Variants in RBFOX1 observed in about 807,000 individuals in gnomAD.
RBFOX1 encodes the protein RNA binding fox-1 homolog 1.
RBFOX1 carries 8 observed loss-of-function variants against 57.7 expected under a neutral mutation model. The ratio of observed to expected loss-of-function variants is 0.14; its 90% CI spans 0.08 to 0.25. The LOEUF is 0.25. Among genes scored for constraint, RBFOX1 ranks in the 10% least tolerant of loss-of-function variants. RBFOX1 has a pLI of 1.00. For missense variants in RBFOX1, 611 were observed against 548.5 expected, an observed-to-expected ratio of 1.11 and a Z score of -1.14; for synonymous variants, 326 against 222.4, an observed-to-expected ratio of 1.47 and a Z score of -4.15.
chr16:7,138,172 C>G (rs995074901), intron 4 of RBFOX1, among the ~76,000 whole-genome samples: 2 of 152,044 alleles, frequency 1.3e-5, no homozygotes, highest in African/African-American at 2.4e-5. Context: ...AAATCCAAAG[C>G]TTTGGGTGTG....
At chr16:6,684,987 T>G (rs1312255987) in intron 3 of RBFOX1, among the ~76,000 whole-genome samples, 2 of 152,112 alleles carry the variant, frequency 1.3e-5, no homozygotes. Flanking sequence ...TAGTAACATT[T>G]TACAAAATGG....
At chr16:6,846,526 G>GAC (rs2093763459) in intron 3 of RBFOX1, among the ~76,000 whole-genome samples, 1 of 152,168 alleles carries the variant, frequency 6.6e-6, no homozygotes, top group Admixed American at 6.5e-5. Flanking sequence ...TAACATACCA[G>GAC]ACAGGGGAGG....
intron 4 of RBFOX1, among the ~76,000 whole-genome samples, chr16:7,429,611 G>A (rs1682667916): frequency 1.3e-5 from 2 of 152,212 alleles, no homozygotes; most frequent in Admixed American, 1.3e-4. Flanking sequence ...GCAGAAAATA[G>A]TCGTCAGGTG....
At chr16:5,988,965 C>T (rs1259312256) in intron 4 of RBFOX1, among the ~76,000 whole-genome samples, 3 of 152,008 alleles carry the variant, frequency 2.0e-5, no homozygotes, top group African/African-American at 7.2e-5. Flanking sequence ...GCTGTGTGAC[C>T]TTGGGTGAGT....
chr16:5,588,808 C>T (rs939661351), intron 2 of RBFOX1, among the ~76,000 whole-genome samples: 1 of 152,132 alleles, frequency 6.6e-6, no homozygotes, highest in Non-Finnish European at 1.5e-5. Context: ...CAAAAGTGAT[C>T]TGAGTTCAGG....
chr16:5,759,749 A>G (rs777128513), intron 3 of RBFOX1, among the ~76,000 whole-genome samples: 3 of 151,670 alleles, frequency 2.0e-5, no homozygotes, highest in Non-Finnish European at 4.4e-5. Context: ...GCTGGCTGGC[A>G]TTTTTCTGAT....
At chr16:7,120,838 C>CACACATACACACAT (rs1555491044) in intron 4 of RBFOX1, among the ~76,000 whole-genome samples, 17 of 141,612 alleles carry the variant, frequency 1.2e-4, no homozygotes, top group Admixed American at 5.0e-4. Flanking sequence ...TATACACACA[C>CACACATACACACAT]ACACACACAC....
chr16:6,297,502 T>C (rs143259718), intron 1 of RBFOX1, among the ~76,000 whole-genome samples: 37 of 152,304 alleles, frequency 2.4e-4, no homozygotes, highest in African/African-American at 7.2e-4. Flanking sequence ...TGAATGCCTC[T>C]GAACCGAGTT....
intron 15 of RBFOX1, chr16:7,709,591 C>A (rs776880018): frequency 9.1e-6 from 14 of 1,531,194 alleles, no homozygotes; most frequent in Non-Finnish European, 1.2e-5. Flanking sequence ...TGCCTCTCCT[C>A]CCCTATTACA....
In RBFOX1 at chr16:7,400,058, T is replaced by C. The variant is rs115920784; in HGVS notation, c.28-118089T>C. Reference sequence around the variant, plus strand: ...CTTCTCTGATTTATTGATGAGAAAATTGACCCTCAGGAGGGGAAGACCATT... The same window carrying C: ...CTTCTCTGATTTATTGATGAGAAAACTGACCCTCAGGAGGGGAAGACCATT... On this transcript the variant is annotated intron_variant, in intron 4 of 15. Transcript: ENST00000550418. Among the ~76,000 whole-genome samples, 1,124 of 152,236 alleles carry C rather than the reference T, an allele frequency of 7.4e-3. 18 individuals carry two copies. The highest frequency in any genetic ancestry group is 0.026 in the African/African-American group (1,072 of 41,536).
At chr16:6,101,095 G>C (rs1366678144) in intron 1 of RBFOX1, among the ~76,000 whole-genome samples, 1 of 152,166 alleles carries the variant, frequency 6.6e-6, no homozygotes, top group African/African-American at 2.4e-5. Flanking sequence ...AAAACCATCT[G>C]TGTCCATTTT....
chr16:6,654,734 C>G (rs987547686), intron 3 of RBFOX1, 84 bp downstream of exon 3: 197 of 1,018,106 alleles, frequency 1.9e-4, no homozygotes, highest in South Asian at 7.1e-4. Context: ...GCATGCCCCT[C>G]TCGATGATGG....
At chr16:5,460,321 C>A (rs1025547476) in intron 1 of RBFOX1, among the ~76,000 whole-genome samples, 1 of 152,132 alleles carries the variant, frequency 6.6e-6, no homozygotes, top group Non-Finnish European at 1.5e-5. Flanking sequence ...ATCTTGTGGT[C>A]TTATCATAAG....
At chr16:7,253,310 T>A (rs1300423196) in intron 4 of RBFOX1, among the ~76,000 whole-genome samples, 1 of 152,176 alleles carries the variant, frequency 6.6e-6, no homozygotes, top group Admixed American at 6.5e-5. Context: ...AAATTCGTGT[T>A]GATGTCAGTG....
chr16:6,886,010 C>G (rs183143459), intron 3 of RBFOX1, among the ~76,000 whole-genome samples: 1 of 151,264 alleles, frequency 6.6e-6, no homozygotes, highest in Admixed American at 6.6e-5. Flanking sequence ...AAGTTATTAA[C>G]GAGATTTCAT....
chr16:6,439,288 A>T (rs1227429390), intron 2 of RBFOX1, among the ~76,000 whole-genome samples: 1 of 152,206 alleles, frequency 6.6e-6, no homozygotes, highest in African/African-American at 2.4e-5. Flanking sequence ...TCAGGAAGGT[A>T]TAATCAAACA....
At chr16:6,136,313 T>C (rs553416245) in intron 1 of RBFOX1, among the ~76,000 whole-genome samples, 1 of 152,256 alleles carries the variant, frequency 6.6e-6, no homozygotes, top group South Asian at 2.1e-4. Context: ...ACTTTGCCTT[T>C]GATACAACCT....
intron 1 of RBFOX1, among the ~76,000 whole-genome samples, chr16:6,236,876 G>T (rs1263124758): frequency 1.3e-5 from 2 of 152,094 alleles, no homozygotes; most frequent in African/African-American, 4.8e-5. Context: ...GGAAATAGAG[G>T]CTCAGAGTAT....
At chr16:5,612,035 G>A (rs1452065764) in intron 3 of RBFOX1, among the ~76,000 whole-genome samples, 1 of 149,448 alleles carries the variant, frequency 6.7e-6, no homozygotes, top group Non-Finnish European at 1.5e-5. Context: ...GGCTGGGATG[G>A]AAATATTACT....
Sources: allele counts gnomAD v4.1 joint callset (sites outside exome capture counted in the v4.1 genomes callset), GRCh38; gene constraint gnomAD v4.1.1; transcripts MANE v1.5; gene names NCBI Gene and HGNC (gene_info 2026-07-23, HGNC 2026-07-21).